MVB12B: variants seen among roughly 807,000 people sequenced by gnomAD.
MVB12B encodes multivesicular body subunit 12B, also known as ESCRT-I complex subunit MVB12B.
Under a neutral mutation model 41.6 loss-of-function variants are expected in MVB12B, and 16 were observed. The ratio of observed to expected loss-of-function variants is 0.38; its 90% CI spans 0.26 to 0.58. The LOEUF is 0.58. Among genes scored for constraint, MVB12B ranks in the 20% least tolerant of loss-of-function variants. The pLI, the probability that MVB12B is intolerant of heterozygous loss-of-function variation, is 0.62. For missense variants in MVB12B, 274 were observed against 380.2 expected (o/e 0.72, Z 2.32); for synonymous variants, 133 against 139.7 (o/e 0.95, Z 0.34).
chr9:126,404,961 G>C (rs1831377898), intron 6 of MVB12B, among the ~76,000 whole-genome samples: 1 of 152,348 alleles, frequency 6.6e-6, no homozygotes, highest in Non-Finnish European at 1.5e-5. Flanking sequence ...AATTTCATTA[G>C]AATGCAGTTC....
Position 126,481,312 on chromosome 9 carries a change from C to T in MVB12B, c.758-57C>T. The T allele has an allele frequency of 3.5e-6, 5 of 1,414,916 alleles. No homozygotes were observed. In the South Asian group the frequency reaches 5.8e-5, roughly 16 times the overall value. 87.6% of individuals were successfully genotyped at this position (1,414,916 alleles called of 1,614,324 possible). A position where few individuals can be genotyped will look rare whatever the true frequency, so the allele number is the denominator to read the frequency against. ...TGTTTCGACATCTTCAGTTGCTGGA[C>T]AACTAAATGCCATCTTCAATACCTT... On this transcript the variant is annotated intron_variant, in intron 7 of 9. Coordinates refer to ENST00000361171, the MANE Select transcript of MVB12B (RefSeq NM_033446.3).
chr9:126,387,432 C>G (rs1235103791), intron 4 of MVB12B, among the ~76,000 whole-genome samples: 1 of 152,038 alleles, frequency 6.6e-6, no homozygotes, highest in Non-Finnish European at 1.5e-5. Flanking sequence ...ATTAAATTCT[C>G]TGTCTCATTT....
In MVB12B at chr9:126,395,812, T is replaced by C. The variant is rs7027883; in HGVS notation, c.662+115T>C. ...ATACTGCAAAGTACAGCTGAATAAT[T>C]GTAGAAGCAATATATCTTTAGAGGA... On this transcript the variant is annotated intron_variant, in intron 6 of 9. Coordinates refer to ENST00000361171, the MANE Select transcript of MVB12B (RefSeq NM_033446.3). This position sits in a 1 kb window ranked among gnomAD's most constrained non-coding sequence, Gnocchi z 4.9. The C allele has an allele frequency of 8.7e-3, 13,207 of 1,513,130 alleles. 369 individuals are homozygous for C. In the African/African-American group the frequency reaches 0.094, roughly 11 times the overall value. 93.7% of individuals were successfully genotyped at this position (1,513,130 alleles called of 1,614,324 possible).
At chr9:126,458,908 C>T (rs1166272929) in intron 7 of MVB12B, among the ~76,000 whole-genome samples, 10 of 152,234 alleles carry the variant, frequency 6.6e-5, no homozygotes, top group Admixed American at 6.5e-4. Context: ...ACCGAAAAAA[C>T]ACCCTCTGTC....
chr9:126,482,795 G>C (rs932106294), intron 8 of MVB12B, among the ~76,000 whole-genome samples: 6 of 152,224 alleles, frequency 3.9e-5, no homozygotes, highest in African/African-American at 1.4e-4. Context: ...TGCTGCTGCC[G>C]GGCGCTGCCA....
At chr9:126,415,588 C>T (rs149265885) in intron 6 of MVB12B, among the ~76,000 whole-genome samples, 20 of 152,110 alleles carry the variant, frequency 1.3e-4, no homozygotes, top group African/African-American at 4.6e-4. Context: ...CCAACCCAGT[C>T]GTGGGGATGA....
chr9:126,417,358 G>T (rs116865481), intron 6 of MVB12B, among the ~76,000 whole-genome samples: 214 of 152,318 alleles, frequency 1.4e-3, no homozygotes, highest in Middle Eastern at 3.4e-3. Flanking sequence ...GGCACACATT[G>T]TCTATCATAT....
chr9:126,476,228 C>T (rs970050300), intron 7 of MVB12B, among the ~76,000 whole-genome samples: 5 of 152,250 alleles, frequency 3.3e-5, no homozygotes, highest in African/African-American at 9.6e-5. Context: ...AAGGTGTTAC[C>T]GCTGAGCCTG....
At chr9:126,357,544 A>G (rs1317752487) in intron 2 of MVB12B, among the ~76,000 whole-genome samples, 1 of 151,710 alleles carries the variant, frequency 6.6e-6, no homozygotes, top group Non-Finnish European at 1.5e-5. Context: ...TAACCATTCT[A>G]GTGGATGTGT....
At chr9:126,403,211 C>G (rs142808756) in intron 6 of MVB12B, among the ~76,000 whole-genome samples, 57 of 152,350 alleles carry the variant, frequency 3.7e-4, no homozygotes, top group Non-Finnish European at 5.9e-4. Context: ...GACCGCCCCC[C>G]ACACATCCTC....
At chr9:126,388,822 G>T (rs73668017) in intron 4 of MVB12B, among the ~76,000 whole-genome samples, 1 of 152,282 alleles carries the variant, frequency 6.6e-6, no homozygotes, top group African/African-American at 2.4e-5. Context: ...TTGGCCATTT[G>T]TATTATCTCC....
intron 7 of MVB12B, among the ~76,000 whole-genome samples, chr9:126,461,225 C>T (rs1177843793): frequency 6.6e-6 from 1 of 152,252 alleles, no homozygotes; most frequent in Non-Finnish European, 1.5e-5. Flanking sequence ...GCATGGCCGT[C>T]AGCACCCCCA....
chr9:126,443,322 G>A (rs1290344457), intron 7 of MVB12B, among the ~76,000 whole-genome samples: 1 of 152,176 alleles, frequency 6.6e-6, no homozygotes. Context: ...TTGAGGGCCA[G>A]GCACCCTGCA....
intron 5 of MVB12B, among the ~76,000 whole-genome samples, chr9:126,393,297 G>T (rs1831012892): frequency 6.6e-6 from 1 of 152,204 alleles, no homozygotes; most frequent in Non-Finnish European, 1.5e-5. Context: ...ACTGGGTTCT[G>T]GTTTCCCTGT....
At chr9:126,412,252 C>T (rs1378396539) in intron 6 of MVB12B, among the ~76,000 whole-genome samples, 2 of 152,174 alleles carry the variant, frequency 1.3e-5, no homozygotes, top group African/African-American at 4.8e-5. Context: ...TTAAGCACGT[C>T]CTTACACCTG....
In MVB12B at chr9:126,392,128, G is replaced by T; in HGVS notation, c.472G>T (p.Ala158Ser). ...ATTTATTCCACGGGATTCAACGGAA[G>T]CTGCGATTTGTGACATTCGGATCAT... ...IKFIPRDSTE[A>S]AICDIRIMGR... Residue 158 changes from alanine (A) to serine (S), a missense_variant, in exon 5 of 10, where the codon GCT (alanine) becomes TCT (serine). Physicochemically the swap from Ala to Ser is moderately conservative, Grantham distance 99 (BLOSUM62 1). Coordinates refer to ENST00000361171, the MANE Select transcript of MVB12B (RefSeq NM_033446.3). The surrounding 1 kb of genome is among the most constrained non-coding windows in gnomAD (Gnocchi z 4.8). 6.2e-7 allele frequency: 1 copy of T among 1,614,230 alleles called. No homozygotes were observed. Among genetic ancestry groups the T allele is most frequent in the Middle Eastern group, 1.6e-4 (1 of 6,062 alleles).
At chr9:126,415,772 G>A (rs935237468) in intron 6 of MVB12B, among the ~76,000 whole-genome samples, 1 of 152,112 alleles carries the variant, frequency 6.6e-6, no homozygotes, top group Non-Finnish European at 1.5e-5. Context: ...GGGAAGAAAA[G>A]GTGTGGTGGA....
rs1041578006 is a variant in MVB12B at position 126,459,628 on chromosome 9, C to T, written c.758-21741C>T. The stretch of plus-strand genomic sequence containing the variant: ...GGGGCTAAGGATGTGTATTTTCGCA[C>T]GCAGCCCAGGTGACTGTGGCATGCC... On this transcript the variant is annotated intron_variant, in intron 7 of 9. Transcript: ENST00000361171. This position sits in a 1 kb window ranked among gnomAD's most constrained non-coding sequence, Gnocchi z 4.3. 3.9e-5 allele frequency among the ~76,000 whole-genome samples: 6 copies of T among 152,188 alleles called. No individual in the cohort carries two copies. Among genetic ancestry groups the T allele is most frequent in the Non-Finnish European group, 5.9e-5 (4 of 68,038 alleles).
At chr9:126,458,885 G>A (rs139424645) in intron 7 of MVB12B, among the ~76,000 whole-genome samples, 13 of 152,334 alleles carry the variant, frequency 8.5e-5, no homozygotes, top group Non-Finnish European at 1.6e-4. Flanking sequence ...CTTTGAGTTA[G>A]GTAGGGAGAG....
Sources: allele counts gnomAD v4.1 joint callset (sites outside exome capture counted in the v4.1 genomes callset), GRCh38; gene constraint gnomAD v4.1.1; non-coding constraint Gnocchi (gnomAD v3.1); transcripts MANE v1.5; gene names NCBI Gene and HGNC (gene_info 2026-07-23, HGNC 2026-07-21).